The following METTL15 variants were observed in gnomAD, a reference collection of about 807,000 sequenced individuals.
METTL15 encodes 12S rRNA N(4)-cytidine methyltransferase METTL15.
A neutral mutation model predicts 38.3 loss-of-function variants in METTL15; 34 were observed. That is an observed-to-expected ratio of 0.89 (90% confidence interval 0.68 to 1.18). The LOEUF (loss-of-function observed/expected upper bound fraction) is 1.18, where lower values mean the gene tolerates loss of function less well. Among genes scored for constraint, METTL15 ranks in the 50% most tolerant of loss-of-function variants. METTL15 has a pLI of 0.00. For synonymous variants in METTL15, 162 were observed against 170.9 expected, an observed-to-expected ratio of 0.95 and a Z score of 0.41; for missense variants, 438 against 498.4, an observed-to-expected ratio of 0.88 and a Z score of 1.15.
intron 3 of METTL15, among the ~76,000 whole-genome samples, chr11:28,203,616 C>G (rs911628095): frequency 6.6e-6 from 1 of 151,968 alleles, no homozygotes; most frequent in African/African-American, 2.4e-5. Context: ...AACTAGCGAC[C>G]AGGTAACCTC....
At chr11:28,422,382 C>T (rs1443046307) in intron 5 of METTL15, among the ~76,000 whole-genome samples, 1 of 151,966 alleles carries the variant, frequency 6.6e-6, no homozygotes, top group Non-Finnish European at 1.5e-5. Context: ...ATATCCAAAA[C>T]TATACTGAGC....
chr11:28,196,535 A>G (rs929691363), intron 3 of METTL15, among the ~76,000 whole-genome samples: 7 of 151,992 alleles, frequency 4.6e-5, no homozygotes, highest in South Asian at 2.1e-4. Flanking sequence ...GCTGATGTAT[A>G]TACATTGATT....
intron 3 of METTL15, among the ~76,000 whole-genome samples, chr11:28,165,327 A>C (rs896989536): frequency 1.3e-5 from 2 of 152,100 alleles, no homozygotes; most frequent in Non-Finnish European, 2.9e-5. Context: ...TTATTTCCAC[A>C]TCCTCGAAAA....
chr11:28,363,423 T>A (rs1195212770), intron 5 of METTL15, among the ~76,000 whole-genome samples: 2 of 152,144 alleles, frequency 1.3e-5, no homozygotes, highest in African/African-American at 2.4e-5. Context: ...CCACCCGCCT[T>A]GGCCTCCCAA....
At chr11:28,157,140 A>G (rs1458870960) in intron 3 of METTL15, among the ~76,000 whole-genome samples, 2 of 152,164 alleles carry the variant, frequency 1.3e-5, no homozygotes, top group East Asian at 3.9e-4. Flanking sequence ...ATTCCTTCTA[A>G]AGTGAAGGAT....
At chr11:28,212,812 T>G (rs1852696437) in intron 4 of METTL15, among the ~76,000 whole-genome samples, 1 of 152,194 alleles carries the variant, frequency 6.6e-6, no homozygotes, top group Non-Finnish European at 1.5e-5. Context: ...CATACTTTAC[T>G]GTCATAGAAA....
chr11:28,431,815 A>G (rs1486773727), intron 6 of METTL15, among the ~76,000 whole-genome samples: 2 of 146,968 alleles, frequency 1.4e-5, no homozygotes, highest in Admixed American at 6.7e-5. Flanking sequence ...AAAGAAAAAA[A>G]AAAAAAAAGA....
intron 4 of METTL15, among the ~76,000 whole-genome samples, chr11:28,234,249 G>C (rs1167137167): frequency 6.6e-6 from 1 of 152,036 alleles, no homozygotes; most frequent in African/African-American, 2.4e-5. Context: ...ATTGTGAATA[G>C]TGCTGCAATA....
At chr11:28,203,003 A>G (rs564497539) in intron 3 of METTL15, among the ~76,000 whole-genome samples, 2 of 152,204 alleles carry the variant, frequency 1.3e-5, no homozygotes, top group East Asian at 3.9e-4. Flanking sequence ...TAGTCTCTGC[A>G]AGATGATCTT....
At chr11:28,184,030 C>T (rs919379702) in intron 3 of METTL15, among the ~76,000 whole-genome samples, 1 of 151,948 alleles carries the variant, frequency 6.6e-6, no homozygotes. Flanking sequence ...TCCAGATTTT[C>T]TAGTTTATTT....
chr11:28,222,362 A>G (rs1853276262), intron 4 of METTL15, among the ~76,000 whole-genome samples: 2 of 152,126 alleles, frequency 1.3e-5, no homozygotes, highest in African/African-American at 4.8e-5. Flanking sequence ...CATGCCCAGG[A>G]TATAATCTCC....
At chr11:28,310,649 C>T (rs1308360776) in intron 6 of METTL15, among the ~76,000 whole-genome samples, 1 of 152,104 alleles carries the variant, frequency 6.6e-6, no homozygotes, top group African/African-American at 2.4e-5. Flanking sequence ...CATTTGATCC[C>T]AGACTCCTGA....
At chr11:28,110,606 G>A (rs1030852596) in intron 2 of METTL15, among the ~76,000 whole-genome samples, 1 of 152,158 alleles carries the variant, frequency 6.6e-6, no homozygotes, top group East Asian at 1.9e-4. Flanking sequence ...AGGCAAAAGG[G>A]TGTATTTTTC....
At chr11:28,480,341 G>C (rs1205340659) in intron 6 of METTL15, among the ~76,000 whole-genome samples, 3 of 152,140 alleles carry the variant, frequency 2.0e-5, no homozygotes, top group African/African-American at 7.2e-5. Flanking sequence ...AAAGGGATGT[G>C]CCTTAGTGTA....
At chr11:28,179,102 G>A (rs780084414) in intron 3 of METTL15, among the ~76,000 whole-genome samples, 1 of 151,732 alleles carries the variant, frequency 6.6e-6, no homozygotes, top group African/African-American at 2.4e-5. Flanking sequence ...GCACACACCT[G>A]TGTGCACACA....
intron 4 of METTL15, among the ~76,000 whole-genome samples, chr11:28,231,961 A>G (rs977808172): frequency 6.6e-6 from 1 of 151,868 alleles, no homozygotes; most frequent in African/African-American, 2.4e-5. Flanking sequence ...ATATGGATGG[A>G]TGGCTAGATG....
chr11:28,426,798 C>G (rs1409057510), intron 6 of METTL15, among the ~76,000 whole-genome samples: 1 of 147,528 alleles, frequency 6.8e-6, no homozygotes, highest in African/African-American at 2.5e-5. Context: ...TTTTTTTTTT[C>G]TTGTAAATGT....
chr11:28,456,362 G>A (rs1188973833), intron 6 of METTL15, among the ~76,000 whole-genome samples: 3 of 151,854 alleles, frequency 2.0e-5, no homozygotes, highest in Admixed American at 1.3e-4. Context: ...CTTCTCTTTC[G>A]GTCTCTTGAC....
intron 3 of METTL15, among the ~76,000 whole-genome samples, chr11:28,162,107 C>T (rs1850486884): frequency 6.6e-6 from 1 of 152,068 alleles, no homozygotes; most frequent in Admixed American, 6.6e-5. Context: ...CCAACATATC[C>T]TTCTTGCAGA....
Sources: gnomAD v4.1 joint callset for allele counts (sites outside exome capture counted in the v4.1 genomes callset) on GRCh38, gnomAD v4.1.1 for gene constraint, MANE v1.5 for transcripts, NCBI Gene and HGNC (gene_info 2026-07-23, HGNC 2026-07-21) for gene names.